The following IMPG1 variants were observed in gnomAD, a reference collection of about 807,000 sequenced individuals.
The protein encoded by IMPG1 is interphotoreceptor matrix proteoglycan 1.
A neutral mutation model predicts 92.0 loss-of-function variants in IMPG1; 85 were observed. The observed-to-expected ratio is 0.92, with a 90% CI of 0.78 to 1.11. The LOEUF is 1.11. IMPG1 is among the 50% of genes least tolerant of loss of function. IMPG1 has a pLI of 0.00. For synonymous variants in IMPG1, 367 were observed against 334.1 expected, an observed-to-expected ratio of 1.10 and a Z score of -1.08; for missense variants, 1,022 against 956.0, an observed-to-expected ratio of 1.07 and a Z score of -0.91.
At chr6:75,955,345 A>T (rs1381536386) in intron 12 of IMPG1, among the ~76,000 whole-genome samples, 1 of 152,118 alleles carries the variant, frequency 6.6e-6, no homozygotes, top group Non-Finnish European at 1.5e-5. Flanking sequence ...TGTAAATTGT[A>T]TTCCTAGGTA....
chr6:76,054,138 T>C (rs1784084095), intron 1 of IMPG1, among the ~76,000 whole-genome samples: 1 of 152,186 alleles, frequency 6.6e-6, no homozygotes, highest in African/African-American at 2.4e-5. Context: ...GAAAAGTAGA[T>C]AATAATATTT....
chr6:75,951,077 G>A lies in IMPG1; in HGVS notation c.1309C>T (p.Pro437Ser), dbSNP rs774321893. The change falls in exon 13 of 17, where the codon CCT becomes TCT. Residue 437 changes from proline (P) to serine (S), a missense_variant. Pro to Ser is a moderately conservative substitution (Grantham distance 74). Around this residue, in one of 3 missense-constraint regions of IMPG1, gnomAD observed 681 missense variants for 583.6 expected, o/e 1.17. Transcript: ENST00000369950. ...GACAGGGAGGTAGAGGCCATAGCAG[G>A]TGGAGACCAAGAAGTGTCTGTGGAG... ...HGLPDTSWSP[P>S]AMASTSLSEA... 3.7e-6 allele frequency: 6 copies of A among 1,609,778 alleles called. No homozygotes were observed. The African/African-American group carries it at 6.7e-5, about 18-fold the overall frequency.
chr6:75,939,373 C>A (rs1781802299), intron 14 of IMPG1, among the ~76,000 whole-genome samples: 1 of 152,138 alleles, frequency 6.6e-6, no homozygotes, highest in South Asian at 2.1e-4. Flanking sequence ...ACAACAGGCC[C>A]CGGTGTGTGA....
At chr6:75,996,555 A>G (rs1225374165) in intron 12 of IMPG1, among the ~76,000 whole-genome samples, 1 of 152,192 alleles carries the variant, frequency 6.6e-6, no homozygotes, top group Non-Finnish European at 1.5e-5. Context: ...ACTGGACTGT[A>G]ACTTGGGAAA....
At chr6:76,034,178 T>C in intron 4 of IMPG1, 137 bp downstream of exon 4, 1 of 766,474 alleles carries the variant, frequency 1.3e-6, no homozygotes. Context: ...TATGCAGGAA[T>C]TGTCTGTCAG....
At chr6:76,008,455 T>C (rs531571986) in intron 8 of IMPG1, among the ~76,000 whole-genome samples, 53 of 152,324 alleles carry the variant, frequency 3.5e-4, no homozygotes, top group Non-Finnish European at 6.2e-4. Flanking sequence ...CTGGACTATA[T>C]TAACTAATGT....
intron 1 of IMPG1, among the ~76,000 whole-genome samples, chr6:76,057,368 C>G (rs906552066): frequency 6.6e-6 from 1 of 152,112 alleles, no homozygotes; most frequent in Non-Finnish European, 1.5e-5. Context: ...AGGCATGTAG[C>G]AGTGGGGACC....
At chr6:76,043,629 C>G (rs961385724) in intron 1 of IMPG1, among the ~76,000 whole-genome samples, 4 of 152,058 alleles carry the variant, frequency 2.6e-5, no homozygotes, top group African/African-American at 9.7e-5. Flanking sequence ...TTTGAAAATC[C>G]TTGGGTAATT....
intron 1 of IMPG1, among the ~76,000 whole-genome samples, chr6:76,061,730 A>G (rs1449200418): frequency 1.3e-5 from 2 of 152,160 alleles, no homozygotes; most frequent in Non-Finnish European, 2.9e-5. Context: ...TTATACATTG[A>G]ATGTCACAAG....
At chr6:76,030,022 C>T (rs774667874) in intron 4 of IMPG1, among the ~76,000 whole-genome samples, 22 of 152,096 alleles carry the variant, frequency 1.4e-4, no homozygotes, top group African/African-American at 5.1e-4. Flanking sequence ...CAAATTACAA[C>T]GGAGGTTAAA....
At chr6:75,949,825 G>A (rs949134109) in intron 13 of IMPG1, among the ~76,000 whole-genome samples, 36 of 152,050 alleles carry the variant, frequency 2.4e-4, no homozygotes, top group Non-Finnish European at 4.6e-4. Flanking sequence ...TTTAATTTGT[G>A]TAATAATTTA....
intron 2 of IMPG1, among the ~76,000 whole-genome samples, chr6:76,039,260 G>A (rs1783793973): frequency 6.6e-6 from 1 of 151,952 alleles, no homozygotes; most frequent in Admixed American, 6.6e-5. Flanking sequence ...TGGTGATGCT[G>A]TTGATCTGCA....
chr6:76,020,758 G>A (rs960316510), intron 6 of IMPG1, among the ~76,000 whole-genome samples: 2 of 152,068 alleles, frequency 1.3e-5, no homozygotes, highest in Non-Finnish European at 2.9e-5. Flanking sequence ...CCTATCTAAG[G>A]GGTTTGGGGA....
In IMPG1 at chr6:75,921,930, A is replaced by C; in HGVS notation, c.*159T>G. On this transcript the variant is annotated 3_prime_UTR_variant, in exon 17 of 17. Transcript: ENST00000369950. ...TCAGAATTTACTGGTTGCCAAGTAC[A>C]TGACTCTTCTATATTTGAAATATGG... 1.9e-6 allele frequency: 1 copy of C among 531,350 alleles called. No homozygotes were observed. The highest frequency in any genetic ancestry group is 3.4e-6 in the Non-Finnish European group (1 of 296,686). 32.9% of individuals were successfully genotyped at this position (531,350 alleles called of 1,614,324 possible).
At chr6:75,990,604 C>CACACACAT (rs1782798638) in intron 12 of IMPG1, among the ~76,000 whole-genome samples, 5 of 151,752 alleles carry the variant, frequency 3.3e-5, no homozygotes, top group Admixed American at 2.6e-4. Context: ...CACACACACA[C>CACACACAT]ACACACACAC....
At chr6:76,067,823 G>A (rs902689132) in intron 1 of IMPG1, among the ~76,000 whole-genome samples, 2 of 151,920 alleles carry the variant, frequency 1.3e-5, no homozygotes, top group Non-Finnish European at 2.9e-5. Context: ...AACAGCACAA[G>A]AAAAAGACAA....
intron 15 of IMPG1, among the ~76,000 whole-genome samples, chr6:75,928,053 T>C (rs1781589312): frequency 6.6e-6 from 1 of 152,146 alleles, no homozygotes; most frequent in Non-Finnish European, 1.5e-5. Context: ...TTACGAATTG[T>C]ACAGCCATCT....
At chr6:75,960,070 A>G (rs937643223) in intron 12 of IMPG1, among the ~76,000 whole-genome samples, 1 of 152,142 alleles carries the variant, frequency 6.6e-6, no homozygotes, top group African/African-American at 2.4e-5. Flanking sequence ...GCTGGAATGC[A>G]CCGTTCCTCA....
At chr6:76,068,223 A>G (rs563466118) in intron 1 of IMPG1, among the ~76,000 whole-genome samples, 1 of 152,304 alleles carries the variant, frequency 6.6e-6, no homozygotes, top group African/African-American at 2.4e-5. Context: ...AAGTATTCCA[A>G]ATTGGAAAAG....
Sources: allele counts gnomAD v4.1 joint callset (sites outside exome capture counted in the v4.1 genomes callset), GRCh38; gene constraint gnomAD v4.1.1; regional missense constraint gnomAD v4.1.1; transcripts MANE v1.5; gene names NCBI Gene and HGNC (gene_info 2026-07-23, HGNC 2026-07-21).